Variants in ACVR1B observed in about 807,000 individuals in gnomAD.
ACVR1B encodes the protein activin A receptor type 1B, also known as activin receptor type-1B.
Under a neutral mutation model 55.6 loss-of-function variants are expected in ACVR1B, and 15 were observed. The ratio of observed to expected loss-of-function variants is 0.27; its 90% CI spans 0.18 to 0.42. The LOEUF is 0.42. Among genes scored for constraint, ACVR1B ranks in the 10% least tolerant of loss-of-function variants. ACVR1B has a pLI of 1.00. For synonymous variants in ACVR1B, 247 were observed against 254.6 expected, an observed-to-expected ratio of 0.97 and a Z score of 0.28; for missense variants, 359 against 670.1, an observed-to-expected ratio of 0.54 and a Z score of 5.13.
At chr12:51,992,335 T>C (rs757139191) in intron 8 of ACVR1B, 19 of 381,916 alleles carry the variant, frequency 5.0e-5, no homozygotes, top group Non-Finnish European at 7.5e-5. Flanking sequence ...GGAGACCCCA[T>C]CTCTACAAGA....
At chr12:51,957,441 CAAAAAAA>C (rs76826910) in intron 1 of ACVR1B, among the ~76,000 whole-genome samples, 1 of 96,268 alleles carries the variant, frequency 1.0e-5, no homozygotes, top group African/African-American at 3.5e-5. Flanking sequence ...GAGACTCCGT[CAAAAAAA>C]AAAAAAAAAA....
At chr12:51,973,156 AGTAT>A (rs1565615322) in intron 1 of ACVR1B, among the ~76,000 whole-genome samples, 1 of 152,234 alleles carries the variant, frequency 6.6e-6, no homozygotes, top group Non-Finnish European at 1.5e-5. Context: ...AATAAGCATA[AGTAT>A]CTGGAAGCAG....
At chr12:51,965,081 A>G (rs1941614447) in intron 1 of ACVR1B, among the ~76,000 whole-genome samples, 1 of 151,978 alleles carries the variant, frequency 6.6e-6, no homozygotes, top group Non-Finnish European at 1.5e-5. Flanking sequence ...TCATATGTTT[A>G]CTCTATGTGT....
intron 1 of ACVR1B, among the ~76,000 whole-genome samples, chr12:51,954,412 CAA>C (rs989534352): frequency 4.6e-5 from 7 of 152,274 alleles, no homozygotes; most frequent in African/African-American, 7.2e-5. Context: ...ACAAAAGCAA[CAA>C]GAGAGATATT....
intron 1 of ACVR1B, among the ~76,000 whole-genome samples, chr12:51,963,403 C>G (rs1211305565): frequency 6.6e-6 from 1 of 152,138 alleles, no homozygotes; most frequent in African/African-American, 2.4e-5. Flanking sequence ...CGCCACCGCG[C>G]CCAGTTAATG....
intron 1 of ACVR1B, among the ~76,000 whole-genome samples, chr12:51,957,754 A>T (rs1282106643): frequency 6.6e-6 from 1 of 152,186 alleles, no homozygotes; most frequent in Non-Finnish European, 1.5e-5. Context: ...TGGTTCATTA[A>T]CATTGAACTT....
At chr12:51,993,763 TCTAAAAA>T in intron 8 of ACVR1B, among the ~76,000 whole-genome samples, 1 of 69,720 alleles carries the variant, frequency 1.4e-5, no homozygotes, top group Admixed American at 3.0e-4. Flanking sequence ...TGAGACTCCT[TCTAAAAA>T]AAAAAAAAAA....
intron 1 of ACVR1B, among the ~76,000 whole-genome samples, chr12:51,959,266 C>T (rs993276711): frequency 3.3e-5 from 5 of 152,206 alleles, no homozygotes; most frequent in Non-Finnish European, 7.3e-5. Flanking sequence ...CTAGCCCTTT[C>T]AAAGCAGAGA....
intron 1 of ACVR1B, chr12:51,953,511 A>T: frequency 1.0e-6 from 1 of 984,234 alleles, no homozygotes; most frequent in Non-Finnish European, 1.2e-6. Context: ...TGAGATAATG[A>T]TTTGCATGAA....
rs1188310071 is a variant in ACVR1B, at chr12:51,975,479, C to T, written c.306C>T (p.Asn102=). 1.9e-6 allele frequency: 3 copies of T among 1,614,170 alleles called. No homozygotes were observed. In the South Asian group the frequency reaches 3.3e-5, roughly 18 times the overall value. ...ACTGCTGCTACACTGACTACTGCAA[C>T]AGGATCGACTTGAGGGTGCCCAGTG... The part of the protein sequence containing the change: ...NTHCCYTDYC[N]RIDLRVPSGH... The change falls in exon 2 of 9, where the codon AAC becomes AAT. Residue 102 remains asparagine, a synonymous_variant. Coordinates refer to ENST00000257963, the MANE Select transcript of ACVR1B (RefSeq NM_004302.5).
rs1002221715 is a variant in ACVR1B, at chr12:51,976,436, T to C, written c.441T>C (p.Leu147=). 7 of 1,614,028 alleles carry C rather than the reference T, an allele frequency of 4.3e-6. No homozygotes were observed. In the African/African-American group the frequency reaches 8.0e-5, roughly 18 times the overall value. The change falls in exon 3 of 9, where the codon CTT becomes CTC. Residue 147 remains leucine, a synonymous_variant. Transcript: ENST00000257963. ...TCCTCATCATCATCATTGTTTTCCT[T>C]GTCATTAACTATCATCAGCGTGTCT... ...LLFLIIIIVF[L]VINYHQRVYH...
In ACVR1B at chr12:51,974,508, C is replaced by CGT. The variant is rs141955888; in HGVS notation, c.92-743_92-742dup. 2.9e-3 allele frequency among the ~76,000 whole-genome samples: 440 copies of CGT among 151,676 alleles called. 5 individuals are homozygous for CGT. Among genetic ancestry groups the CGT allele is most frequent in the African/African-American group, 9.6e-3 (399 of 41,354 alleles). ...GTACACTGCCTGTTTGAAAAAAATT[C>CGT]GTGTGTGTGTGTGTGCGCGCGCACA... On this transcript the variant is annotated intron_variant, in intron 1 of 8. Coordinates refer to ENST00000257963, the MANE Select transcript of ACVR1B (RefSeq NM_004302.5).
intron 7 of ACVR1B, among the ~76,000 whole-genome samples, chr12:51,991,033 G>A (rs569359950): frequency 1.3e-5 from 2 of 152,230 alleles, no homozygotes; most frequent in Non-Finnish European, 2.9e-5. Context: ...GTGCCGTGGT[G>A]ATATTGTCCA....
intron 7 of ACVR1B, among the ~76,000 whole-genome samples, chr12:51,988,422 C>T (rs536510663): frequency 2.6e-5 from 4 of 152,168 alleles, no homozygotes; most frequent in Admixed American, 6.5e-5. Flanking sequence ...GAGCCAAGAT[C>T]GAGCCACTGC....
chr12:51,978,329 C>T (rs1056074163), intron 3 of ACVR1B, among the ~76,000 whole-genome samples: 7 of 151,952 alleles, frequency 4.6e-5, no homozygotes, highest in South Asian at 2.1e-4. Flanking sequence ...GTTGTTTAGT[C>T]GTCTGTGGTA....
At chr12:51,976,262 G>T (rs984423061) in intron 2 of ACVR1B, 65 bp from the exon 3 acceptor site, 22 of 1,582,240 alleles carry the variant, frequency 1.4e-5, no homozygotes, top group African/African-American at 8.1e-5. Flanking sequence ...TTTGAGGGGG[G>T]TGTTTTTACT....
chr12:51,968,853 G>T (rs573411126), intron 1 of ACVR1B, among the ~76,000 whole-genome samples: 14 of 152,284 alleles, frequency 9.2e-5, no homozygotes, highest in African/African-American at 3.1e-4. Context: ...ATGCTCATTG[G>T]AGCATCTTGA....
intron 1 of ACVR1B, among the ~76,000 whole-genome samples, chr12:51,965,906 C>G (rs949250642): frequency 3.3e-5 from 5 of 152,084 alleles, no homozygotes; most frequent in African/African-American, 1.2e-4. Context: ...GACTAAATTT[C>G]AAGTAGTCTG....
At position 51,951,730 on chromosome 12, in the gene ACVR1B, C is replaced by CGGT. The variant is rs749682897; in HGVS notation, c.-12_-11insTGG. 10 of 1,224,250 alleles carry CGGT rather than the reference C, an allele frequency of 8.2e-6. No individual in the cohort carries two copies. In the South Asian group the frequency reaches 3.4e-4, roughly 42 times the overall value. The allele number at this position is 1,224,250 out of a possible 1,614,324, so 75.8% of individuals were successfully genotyped here. ...TGCTGGGCTGCGGCGGCGGCGGCGG[C>CGGT]GGCGGTGGTTACTATGGCGGAGTCG... is the stretch of plus-strand genomic sequence containing the variant. On this transcript the variant is annotated 5_prime_UTR_variant, in exon 1 of 9. Transcript: ENST00000257963.
Sources: allele counts gnomAD v4.1 joint callset (sites outside exome capture counted in the v4.1 genomes callset), GRCh38; gene constraint gnomAD v4.1.1; transcripts MANE v1.5; gene names NCBI Gene and HGNC (gene_info 2026-07-23, HGNC 2026-07-21).